HFM1: variants seen among roughly 807,000 people sequenced by gnomAD.
The protein encoded by HFM1 is helicase for meiosis 1, also known as probable ATP-dependent DNA helicase HFM1.
In HFM1, 169 loss-of-function variants were observed where a neutral mutation model predicts 192.1. The observed-to-expected ratio is 0.88, with a 90% CI of 0.78 to 1.00. HFM1 has a LOEUF of 1.00. Ranked by LOEUF, HFM1 falls within the 50% of genes least tolerant of loss-of-function variation. HFM1 has a pLI of 0.00. For missense variants in HFM1, 1,661 were observed against 1,668.0 expected (o/e 1.00, Z 0.07); for synonymous variants, 525 against 537.8 (o/e 0.98, Z 0.33).
rs181683425 is a variant in HFM1 at position 91,392,321 on chromosome 1, G to T, written c.494+1772C>A. ...ACGTATGTTTATTGCGGCACTATTC[G>T]CAATAGCAAAGACTTGGAACCAACC... On this transcript the variant is annotated intron_variant, in intron 4 of 38. Coordinates refer to ENST00000370425, the MANE Select transcript of HFM1 (RefSeq NM_001017975.6). Among the ~76,000 whole-genome samples, 455 of 152,184 alleles carry T rather than the reference G, an allele frequency of 3.0e-3. 2 individuals carry two copies. The highest frequency in any genetic ancestry group is 4.7e-3 in the Non-Finnish European group (318 of 68,014).
At chr1:91,317,333 G>A (rs930101476) in intron 25 of HFM1, among the ~76,000 whole-genome samples, 1 of 152,172 alleles carries the variant, frequency 6.6e-6, no homozygotes, top group Non-Finnish European at 1.5e-5. Flanking sequence ...AGAATCGCTT[G>A]AACCCGAGAG....
At chr1:91,374,821 A>C (rs1660708990) in intron 13 of HFM1, among the ~76,000 whole-genome samples, 1 of 152,176 alleles carries the variant, frequency 6.6e-6, no homozygotes, top group South Asian at 2.1e-4. Context: ...ATAGACATGC[A>C]TAAATATTAT....
chr1:91,390,689 T>C (rs955960260), intron 4 of HFM1, among the ~76,000 whole-genome samples: 2 of 152,102 alleles, frequency 1.3e-5, no homozygotes, highest in Admixed American at 6.6e-5. Context: ...CTTTGAAAAC[T>C]GGCACAAGAC....
chr1:91,399,030 C>A (rs1663999018), intron 2 of HFM1, among the ~76,000 whole-genome samples: 1 of 151,744 alleles, frequency 6.6e-6, no homozygotes, highest in Non-Finnish European at 1.5e-5. Context: ...ACTCAGCTTG[C>A]CCCTGTGCCC....
intron 13 of HFM1, among the ~76,000 whole-genome samples, chr1:91,369,625 C>T (rs1298951601): frequency 6.6e-6 from 1 of 152,018 alleles, no homozygotes; most frequent in Admixed American, 6.5e-5. Context: ...ACTAAATGCC[C>T]ACAAGAGAAA....
chr1:91,336,074 C>T (rs1654531595), intron 20 of HFM1, among the ~76,000 whole-genome samples: 1 of 151,032 alleles, frequency 6.6e-6, no homozygotes, highest in African/African-American at 2.4e-5. Flanking sequence ...TCCTCCCTCC[C>T]TTCTTGCAAG....
At chr1:91,300,645 A>C (rs1648593703) in intron 30 of HFM1, among the ~76,000 whole-genome samples, 1 of 152,218 alleles carries the variant, frequency 6.6e-6, no homozygotes. Flanking sequence ...CAAATCAATA[A>C]ACTTAATCCA....
upstream of HFM1, among the ~76,000 whole-genome samples, chr1:91,405,524 A>ACTG (rs573222212): frequency 3.9e-4 from 59 of 152,318 alleles, no homozygotes; most frequent in Admixed American, 3.3e-3. Context: ...GGGCCAACCT[A>ACTG]CTGCTGTCTG....
chr1:91,361,978 C>T (rs1176878767), intron 13 of HFM1, among the ~76,000 whole-genome samples: 1 of 151,952 alleles, frequency 6.6e-6, no homozygotes, highest in African/African-American at 2.4e-5. Flanking sequence ...AAAAGGACTT[C>T]GATACAATTC....
chr1:91,324,071 A>T (rs1978903), intron 21 of HFM1, among the ~76,000 whole-genome samples: 30,372 of 152,224 alleles, frequency 0.2, 3,456 homozygotes, highest in Non-Finnish European at 0.27. Context: ...CAGTCGCCAT[A>T]TACCAATGAC....
At chr1:91,309,321 T>A (rs1269108523) in intron 30 of HFM1, among the ~76,000 whole-genome samples, 1 of 152,234 alleles carries the variant, frequency 6.6e-6, no homozygotes, top group Non-Finnish European at 1.5e-5. Context: ...CAAGTGTTTA[T>A]ATATTTAGTG....
At chr1:91,289,023 T>C (rs1309671130) in intron 30 of HFM1, among the ~76,000 whole-genome samples, 1 of 145,882 alleles carries the variant, frequency 6.9e-6, no homozygotes, top group African/African-American at 2.6e-5. Context: ...ACCTCCCGGA[T>C]GGGGCAGCTG....
intron 30 of HFM1, among the ~76,000 whole-genome samples, chr1:91,277,843 TAA>T (rs61312598): frequency 5.0e-4 from 8 of 16,012 alleles, no homozygotes; most frequent in Middle Eastern, 0.05. Flanking sequence ...TAATATATAC[TAA>T]TATATATTAT....
intron 2 of HFM1, among the ~76,000 whole-genome samples, chr1:91,398,953 A>G (rs1261417736): frequency 6.6e-6 from 1 of 152,066 alleles, no homozygotes; most frequent in East Asian, 1.9e-4. Context: ...TCAACCTCCC[A>G]AAGTGCTGGG....
rs1212228886 is a variant in HFM1 at position 91,319,087 on chromosome 1, C to T, written c.2803G>A (p.Glu935Lys). The part of the protein sequence containing the change: ...ENSLHVSKQL[E>K]KIGITLSNAI... ...TGTATTCAGTACCTACCAATTTTTT[C>T]CAGTTGTTTGGATACATGCAGAGAG... is the stretch of plus-strand genomic sequence containing the variant. Residue 935 changes from glutamate to lysine, a missense_variant, in exon 25 of 39, where the codon GAA becomes AAA. Coordinates refer to ENST00000370425, the MANE Select transcript of HFM1 (RefSeq NM_001017975.6). The T allele has an allele frequency of 1.3e-6, 2 of 1,588,176 alleles. No individual in the cohort carries two copies. Among genetic ancestry groups the T allele is most frequent in the African/African-American group, 2.7e-5 (2 of 72,976 alleles).
At chr1:91,380,301 TA>T (rs545103199) in intron 7 of HFM1, 65 bp from the exon 8 acceptor site, 860 of 1,016,460 alleles carry the variant, frequency 8.5e-4, no homozygotes, top group South Asian at 1.7e-3. Flanking sequence ...CTCAATTTGT[TA>T]AAAAAAAAGT....
chr1:91,338,342 T>C (rs982349756), intron 20 of HFM1, among the ~76,000 whole-genome samples: 2 of 152,182 alleles, frequency 1.3e-5, no homozygotes, highest in Non-Finnish European at 2.9e-5. Flanking sequence ...TGTTGACTGT[T>C]GGACCTAGAC....
At chr1:91,353,962 C>G (rs1388737943) in intron 13 of HFM1, among the ~76,000 whole-genome samples, 1 of 146,522 alleles carries the variant, frequency 6.8e-6, no homozygotes, top group Non-Finnish European at 1.5e-5. Flanking sequence ...AGGAAATACA[C>G]CACCAACAAA....
In HFM1 at chr1:91,344,753, G is replaced by GTTT. The variant is rs10678480; in HGVS notation, c.2255-1246_2255-1244dup. Reference sequence around the variant, plus strand: ...TTATTTTCATTTCTTTTCTTTTCTTGTTTTTTTTTTTGAGACTTGGTCTCA... The same window carrying GTTT: ...TTATTTTCATTTCTTTTCTTTTCTTGTTTTTTTTTTTTTTGAGACTTGGTCTCA... On this transcript the variant is annotated intron_variant, in intron 19 of 38. Transcript: ENST00000370425. 2.3e-3 allele frequency among the ~76,000 whole-genome samples: 326 copies of GTTT among 141,702 alleles called. 4 individuals carry two copies. Among genetic ancestry groups the GTTT allele is most frequent in the East Asian group, 0.02 (98 of 4,908 alleles). The allele number at this position is 141,702 out of a possible 152,430, so 93.0% of individuals were successfully genotyped here. A position where few individuals can be genotyped will look rare whatever the true frequency, so the allele number is the denominator to read the frequency against.
Sources: allele counts gnomAD v4.1 joint callset (sites outside exome capture counted in the v4.1 genomes callset), GRCh38; gene constraint gnomAD v4.1.1; transcripts MANE v1.5; gene names NCBI Gene and HGNC (gene_info 2026-07-23, HGNC 2026-07-21).